AGO2: variants seen among roughly 807,000 people sequenced by gnomAD.
AGO2 encodes the protein argonaute RISC catalytic component 2.
In AGO2, 5 loss-of-function variants were observed where a neutral mutation model predicts 102.3. The observed-to-expected ratio is 0.05, with a 90% CI of 0.03 to 0.10. The LOEUF (loss-of-function observed/expected upper bound fraction) is 0.10, where lower values mean the gene tolerates loss of function less well. Among genes scored for constraint, AGO2 ranks in the 10% least tolerant of loss-of-function variants. The pLI is 1.00. For synonymous variants in AGO2, 449 were observed against 473.1 expected, an observed-to-expected ratio of 0.95 and a Z score of 0.66; for missense variants, 541 against 1,183.7, an observed-to-expected ratio of 0.46 and a Z score of 7.97.
chr8:140,554,785 G>A (rs551757415), intron 10 of AGO2, among the ~76,000 whole-genome samples: 1 of 151,996 alleles, frequency 6.6e-6, no homozygotes, highest in African/African-American at 2.4e-5. Flanking sequence ...TCCACCTCCC[G>A]GGTTCAAGGG....
chr8:140,564,068 C>T (rs1018796831), intron 3 of AGO2, among the ~76,000 whole-genome samples: 10 of 152,196 alleles, frequency 6.6e-5, no homozygotes, highest in Non-Finnish European at 1.2e-4. Context: ...GGCCGCGCCC[C>T]GAGGACCATC....
chr8:140,532,210 A>T, intron 18 of AGO2, 58 bp from the exon 19 acceptor site: 3 of 1,518,898 alleles, frequency 2.0e-6, no homozygotes, highest in Non-Finnish European at 2.7e-6. Context: ...ACGATGAGGC[A>T]GTGCGTCGAT....
chr8:140,616,575 T>C (rs1266665036), intron 1 of AGO2, among the ~76,000 whole-genome samples: 8 of 152,260 alleles, frequency 5.3e-5, no homozygotes, highest in Non-Finnish European at 1.2e-4. Context: ...TGATACATAA[T>C]TTCATATTAG....
intron 11 of AGO2, 41 bp downstream of exon 11, chr8:140,551,262 C>A: frequency 1.2e-5 from 18 of 1,457,462 alleles, no homozygotes; most frequent in Non-Finnish European, 1.6e-5. Context: ...GCCCATCGGG[C>A]AGCACCCCCA....
intron 1 of AGO2, among the ~76,000 whole-genome samples, chr8:140,630,495 T>C (rs1423503739): frequency 6.6e-6 from 1 of 152,232 alleles, no homozygotes; most frequent in Non-Finnish European, 1.5e-5. Flanking sequence ...GAATAGTGGC[T>C]ACAGCGAACA....
rs944869104 is a variant in AGO2 at position 140,531,863 on chromosome 8, G to A, written c.*181C>T. ...CATTGGGTTCTCATACAGGTCTGCA[G>A]TTCAAAATCCAAGTTTGAAATCTGG... On this transcript the variant is annotated 3_prime_UTR_variant, in exon 19 of 19. Coordinates refer to ENST00000220592, the MANE Select transcript of AGO2 (RefSeq NM_012154.5). 2 of 597,720 alleles carry A rather than the reference G, an allele frequency of 3.3e-6. No individual in the cohort carries two copies. The highest frequency in any genetic ancestry group is 5.6e-5 in the Admixed American group (2 of 35,590). The allele number at this position is 597,720 out of a possible 1,614,324, so 37.0% of individuals were successfully genotyped here. A position where few individuals can be genotyped will look rare whatever the true frequency, so the allele number is the denominator to read the frequency against.
intron 1 of AGO2, among the ~76,000 whole-genome samples, chr8:140,594,142 G>C (rs573740249): frequency 2.0e-4 from 30 of 152,248 alleles, no homozygotes; most frequent in African/African-American, 6.7e-4. Flanking sequence ...GGGCAGGGAG[G>C]AAAACCATCA....
intron 2 of AGO2, among the ~76,000 whole-genome samples, chr8:140,578,189 A>T (rs2073496701): frequency 6.6e-6 from 1 of 152,236 alleles, no homozygotes; most frequent in African/African-American, 2.4e-5. Context: ...CTGTGGCAGC[A>T]GGATGGCACC....
Position 140,558,564 on chromosome 8 carries a change from C to A in AGO2, c.799G>T (p.Val267Leu), listed in dbSNP as rs1161228729. The part of the protein sequence containing the change: ...KFTKEIKGLK[V>L]EITHCGQMKR... ...ATCTGCCCACAGTGCGTTATCTCCA[C>A]CTTTAGACCTGGGGACACAGAACAC... is the stretch of plus-strand genomic sequence containing the variant. The change falls in exon 7 of 19, where the codon GTG (valine) becomes TTG (leucine). Residue 267 changes from valine (V) to leucine (L), a missense_variant. Val to Leu is a conservative substitution (Grantham distance 32). This residue lies in a region of AGO2 where 21 missense variants were observed against 105.0 expected (regional missense o/e 0.20). Transcript: ENST00000220592. 1 of 1,614,216 alleles carries A rather than the reference C, an allele frequency of 6.2e-7. No homozygotes were observed. Among genetic ancestry groups the A allele is most frequent in the East Asian group, 2.2e-5 (1 of 44,872 alleles).
At chr8:140,541,822 G>A (rs963893548) in intron 14 of AGO2, among the ~76,000 whole-genome samples, 1 of 152,062 alleles carries the variant, frequency 6.6e-6, no homozygotes, top group South Asian at 2.1e-4. Context: ...AAAACTGCTT[G>A]AACCCAGGAG....
At chr8:140,608,101 G>A (rs945153715) in intron 1 of AGO2, among the ~76,000 whole-genome samples, 5 of 152,124 alleles carry the variant, frequency 3.3e-5, no homozygotes, top group African/African-American at 1.2e-4. Flanking sequence ...ATCTTTAACC[G>A]CCACTCCTAA....
intron 2 of AGO2, among the ~76,000 whole-genome samples, chr8:140,577,416 A>G (rs1235481629): frequency 6.6e-6 from 1 of 152,210 alleles, no homozygotes; most frequent in East Asian, 1.9e-4. Flanking sequence ...GGTTGTTAGC[A>G]TGTCCTATTG....
At chr8:140,635,005 C>G (rs184530656) in intron 1 of AGO2, among the ~76,000 whole-genome samples, 4,828 of 151,516 alleles carry the variant, frequency 0.032, 261 homozygotes, top group African/African-American at 0.11. Flanking sequence ...CCGGGCGCCC[C>G]GACCCGGCCT....
intron 3 of AGO2, among the ~76,000 whole-genome samples, chr8:140,571,231 G>A (rs1357804996): frequency 1.3e-5 from 2 of 152,126 alleles, no homozygotes; most frequent in African/African-American, 4.8e-5. Flanking sequence ...ATCGTAACTC[G>A]GTCTCTGCTC....
At chr8:140,596,748 G>A (rs1187090204) in intron 1 of AGO2, among the ~76,000 whole-genome samples, 1 of 152,236 alleles carries the variant, frequency 6.6e-6, no homozygotes, top group Non-Finnish European at 1.5e-5. Context: ...ATCTACAGGT[G>A]AGGCAGCACG....
At chr8:140,552,254 C>T (rs1171426475) in intron 10 of AGO2, among the ~76,000 whole-genome samples, 4 of 152,202 alleles carry the variant, frequency 2.6e-5, no homozygotes, top group Non-Finnish European at 4.4e-5. Context: ...GTGTCGGAAA[C>T]GGGAGCTACT....
chr8:140,561,927 A>G (rs762624939), intron 4 of AGO2, among the ~76,000 whole-genome samples: 2 of 152,224 alleles, frequency 1.3e-5, no homozygotes, highest in Non-Finnish European at 2.9e-5. Flanking sequence ...AAATTAGTGC[A>G]ACCCTCTGCC....
intron 1 of AGO2, among the ~76,000 whole-genome samples, chr8:140,607,771 G>T (rs59510807): frequency 2.6e-5 from 4 of 151,948 alleles, no homozygotes; most frequent in East Asian, 1.9e-4. Context: ...TGGCTGCCAG[G>T]GGGTGGGAGG....
At chr8:140,636,191 G>T (rs1156869460), upstream of AGO2, 3 of 152,184 alleles carry the variant, frequency 2.0e-5, no homozygotes, top group Non-Finnish European at 4.4e-5. Context: ...ACTTGAACGC[G>T]GCCGGCCGCT....
Sources: gnomAD v4.1 joint callset for allele counts (sites outside exome capture counted in the v4.1 genomes callset) on GRCh38, gnomAD v4.1.1 for gene constraint, gnomAD v4.1.1 regional missense constraint, MANE v1.5 for transcripts, NCBI Gene and HGNC (gene_info 2026-07-23, HGNC 2026-07-21) for gene names.